The following TNKS2 variants were observed in gnomAD, a reference collection of about 807,000 sequenced individuals.
TNKS2 encodes poly [ADP-ribose] polymerase tankyrase-2.
TNKS2 carries 72 observed loss-of-function variants against 137.6 expected under a neutral mutation model. The ratio of observed to expected loss-of-function variants is 0.52; its 90% CI spans 0.43 to 0.64. The LOEUF is 0.64. Ranked by LOEUF, TNKS2 falls within the 30% of genes least tolerant of loss-of-function variation. The pLI, the probability that TNKS2 is intolerant of heterozygous loss-of-function variation, is 0.00. For synonymous variants in TNKS2, 516 were observed against 512.1 expected (o/e 1.01, Z -0.10); for missense variants, 1,049 against 1,410.2 (o/e 0.74, Z 4.10).
intron 11 of TNKS2, among the ~76,000 whole-genome samples, chr10:91,833,528 A>G (rs574668322): frequency 1.3e-5 from 2 of 152,278 alleles, no homozygotes; most frequent in African/African-American, 2.4e-5. Context: ...TTACATTTCT[A>G]CACTTTAGAG....
At chr10:91,810,384 C>A (rs576380144) in intron 1 of TNKS2, among the ~76,000 whole-genome samples, 1 of 117,448 alleles carries the variant, frequency 8.5e-6, no homozygotes, top group Admixed American at 8.8e-5. Flanking sequence ...TCTCAAAAAA[C>A]AAAACAACAA....
intron 1 of TNKS2, among the ~76,000 whole-genome samples, chr10:91,803,212 T>C (rs1239464974): frequency 2.0e-5 from 3 of 152,146 alleles, no homozygotes; most frequent in East Asian, 3.9e-4. Flanking sequence ...CTTAGCAAAC[T>C]AAAGTTAATA....
intron 11 of TNKS2, among the ~76,000 whole-genome samples, chr10:91,831,538 C>G (rs987778991): frequency 2.0e-5 from 3 of 151,992 alleles, no homozygotes; most frequent in African/African-American, 4.8e-5. Flanking sequence ...TGTTATTTAC[C>G]CCAACCACCG....
At chr10:91,823,675 A>G (rs182255387) in intron 7 of TNKS2, among the ~76,000 whole-genome samples, 1 of 151,880 alleles carries the variant, frequency 6.6e-6, no homozygotes, top group East Asian at 1.9e-4. Context: ...GAAGATATAT[A>G]TTATCTTTGG....
intron 1 of TNKS2, among the ~76,000 whole-genome samples, chr10:91,802,869 A>G (rs191480195): frequency 2.0e-4 from 31 of 152,388 alleles, no homozygotes; most frequent in African/African-American, 7.2e-4. Context: ...CCTAGTGTCA[A>G]ATAAAGATCA....
chr10:91,803,929 A>G (rs953172063), intron 1 of TNKS2, among the ~76,000 whole-genome samples: 1 of 152,152 alleles, frequency 6.6e-6, no homozygotes. Flanking sequence ...CAGGAGGGGG[A>G]TAGCATTTAG....
intron 7 of TNKS2, among the ~76,000 whole-genome samples, chr10:91,823,328 T>G (rs1246846556): frequency 0.025 from 483 of 19,638 alleles, 8 homozygotes; most frequent in East Asian, 0.17. Flanking sequence ...TGGTTTTTTT[T>G]TTTTTTTTTT....
intron 9 of TNKS2, among the ~76,000 whole-genome samples, chr10:91,828,618 A>G (rs1845140275): frequency 6.6e-6 from 1 of 152,234 alleles, no homozygotes; most frequent in Non-Finnish European, 1.5e-5. Context: ...GAGAATCCTC[A>G]GAAAAAAAAA....
chr10:91,818,421 A>G (rs1844779806), intron 3 of TNKS2, among the ~76,000 whole-genome samples: 1 of 152,212 alleles, frequency 6.6e-6, no homozygotes, highest in Non-Finnish European at 1.5e-5. Flanking sequence ...GTTCATAAAG[A>G]TGTTAATGAT....
intron 24 of TNKS2, among the ~76,000 whole-genome samples, chr10:91,859,018 T>TA (rs960882682): frequency 1.2e-3 from 181 of 146,074 alleles, no homozygotes; most frequent in African/African-American, 3.6e-3. Flanking sequence ...CAAAAAAATT[T>TA]AAAAAAAAAA....
chr10:91,828,929 A>G (rs1845150317), intron 9 of TNKS2, among the ~76,000 whole-genome samples: 1 of 152,190 alleles, frequency 6.6e-6, no homozygotes. Flanking sequence ...AGTCTAACGA[A>G]AAACAGAAAA....
rs769203912 is a variant in TNKS2 at position 91,848,489 on chromosome 10, C to A, written c.2465C>A (p.Ala822Glu). The part of the protein sequence containing the change: ...LNGVRSPGAT[A>E]DALSSGPSSP... ...GGTGTGAGAAGCCCAGGAGCCACTG[C>A]AGATGCTCTCTCTTCAGGTCCATCT... The change falls in exon 19 of 27, where the codon GCA (alanine) becomes GAA (glutamate). Residue 822 changes from alanine to glutamate, a missense_variant. Ala to Glu is a moderately radical substitution (Grantham distance 107). Transcript: ENST00000371627. 2 of 1,614,156 alleles carry A rather than the reference C, an allele frequency of 1.2e-6. No homozygotes were observed. Among genetic ancestry groups the A allele is most frequent in the Non-Finnish European group, 1.7e-6 (2 of 1,180,030 alleles).
chr10:91,814,260 T>TA (rs879904356), intron 2 of TNKS2, among the ~76,000 whole-genome samples: 14 of 151,778 alleles, frequency 9.2e-5, no homozygotes, highest in African/African-American at 2.4e-4. Context: ...AGAAAAGTTG[T>TA]AAAAAAAAAT....
At chr10:91,801,314 C>T (rs1415957224) in intron 1 of TNKS2, among the ~76,000 whole-genome samples, 5 of 152,078 alleles carry the variant, frequency 3.3e-5, no homozygotes, top group Non-Finnish European at 7.4e-5. Flanking sequence ...TTTCCTTCTA[C>T]TAGGTGTTTT....
intron 14 of TNKS2, 24 bp from the exon 15 acceptor site, chr10:91,841,256 CATT>C: frequency 1.3e-6 from 2 of 1,483,698 alleles, no homozygotes; most frequent in Non-Finnish European, 1.8e-6. Context: ...TCTTCTGTGG[CATT>C]ATTGTTCATT....
chr10:91,806,600 T>C (rs558160226), intron 1 of TNKS2, among the ~76,000 whole-genome samples: 4 of 151,996 alleles, frequency 2.6e-5, no homozygotes, highest in Non-Finnish European at 5.9e-5. Context: ...ACTTTAAATG[T>C]GGAAATAAGG....
chr10:91,817,459 G>A (rs1464167185), intron 3 of TNKS2, among the ~76,000 whole-genome samples: 2 of 152,060 alleles, frequency 1.3e-5, no homozygotes, highest in African/African-American at 4.8e-5. Flanking sequence ...TTGCCTTATT[G>A]GGGGTGAGGG....
chr10:91,817,021 G>T, intron 2 of TNKS2, 113 bp from the exon 3 acceptor site: 1 of 631,090 alleles, frequency 1.6e-6, no homozygotes, highest in Non-Finnish European at 2.8e-6. Flanking sequence ...GATATGAAAG[G>T]TCTTTAAACA....
At chr10:91,840,250 G>A (rs934104724) in intron 13 of TNKS2, among the ~76,000 whole-genome samples, 5 of 152,148 alleles carry the variant, frequency 3.3e-5, no homozygotes, top group African/African-American at 9.7e-5. Flanking sequence ...TGAGGCAGGA[G>A]AATTGCTTGA....
Sources: gnomAD v4.1 joint callset for allele counts (sites outside exome capture counted in the v4.1 genomes callset) on GRCh38, gnomAD v4.1.1 for gene constraint, MANE v1.5 for transcripts, NCBI Gene and HGNC (gene_info 2026-07-23, HGNC 2026-07-21) for gene names.